The following CDH13 variants were observed in gnomAD, a reference collection of about 807,000 sequenced individuals.
The protein encoded by CDH13 is cadherin 13, also known as cadherin-13.
CDH13 carries 24 observed loss-of-function variants against 63.8 expected under a neutral mutation model. That is an observed-to-expected ratio of 0.38 (90% CI 0.27 to 0.53). The LOEUF is 0.53. Among genes scored for constraint, CDH13 ranks in the 20% least tolerant of loss-of-function variants. CDH13 has a pLI of 0.85. For missense variants in CDH13, 1,049 were observed against 903.1 expected (o/e 1.16, Z -2.07); for synonymous variants, 503 against 355.3 (o/e 1.42, Z -4.67).
intron 11 of CDH13, among the ~76,000 whole-genome samples, chr16:83,772,421 G>A (rs895524637): frequency 6.6e-6 from 1 of 152,288 alleles, no homozygotes; most frequent in South Asian, 2.1e-4. Context: ...GGACATCCCA[G>A]AAACACGATA....
intron 2 of CDH13, among the ~76,000 whole-genome samples, chr16:83,009,213 T>C (rs1174768217): frequency 6.6e-6 from 1 of 152,234 alleles, no homozygotes; most frequent in Non-Finnish European, 1.5e-5. Flanking sequence ...TAATTGGGTC[T>C]TTTGATATTA....
intron 5 of CDH13, among the ~76,000 whole-genome samples, chr16:83,278,933 C>A (rs1017453948): frequency 2.6e-5 from 4 of 152,154 alleles, no homozygotes; most frequent in African/African-American, 9.7e-5. Context: ...AGCCAGCATG[C>A]TAAGCCTGGA....
intron 1 of CDH13, among the ~76,000 whole-genome samples, chr16:82,819,649 A>G (rs1306969370): frequency 6.6e-6 from 1 of 152,210 alleles, no homozygotes; most frequent in Non-Finnish European, 1.5e-5. Flanking sequence ...CCAAGAGGAG[A>G]TGCCACTGGG....
intron 5 of CDH13, among the ~76,000 whole-genome samples, chr16:83,245,897 C>A (rs1904943710): frequency 6.6e-6 from 1 of 152,210 alleles, no homozygotes; most frequent in East Asian, 1.9e-4. Context: ...CACGCACCAC[C>A]ATACCCAGCT....
At chr16:83,707,686 G>T (rs912585302) in intron 10 of CDH13, among the ~76,000 whole-genome samples, 1 of 151,742 alleles carries the variant, frequency 6.6e-6, no homozygotes, top group East Asian at 1.9e-4. Flanking sequence ...CTGACATGCC[G>T]CACTGTGCTA....
chr16:83,658,958 C>T (rs1307788242), intron 8 of CDH13, among the ~76,000 whole-genome samples: 20 of 138,062 alleles, frequency 1.4e-4, no homozygotes, highest in East Asian at 7.1e-4. Context: ...CACCAGGTCC[C>T]GTATCCTCAC....
intron 3 of CDH13, among the ~76,000 whole-genome samples, chr16:83,089,258 T>A (rs1000673937): frequency 5.3e-5 from 8 of 152,222 alleles, no homozygotes; most frequent in African/African-American, 1.7e-4. Flanking sequence ...CATCTCTATT[T>A]GATCATTAGC....
intron 7 of CDH13, among the ~76,000 whole-genome samples, chr16:83,492,093 T>C (rs1445578032): frequency 6.6e-6 from 1 of 152,176 alleles, no homozygotes; most frequent in East Asian, 1.9e-4. Context: ...AACTATGTAT[T>C]TGGTCAAAAT....
At chr16:83,274,726 A>G (rs72802300) in intron 5 of CDH13, among the ~76,000 whole-genome samples, 23,299 of 152,022 alleles carry the variant, frequency 0.15, 2,388 homozygotes, top group Non-Finnish European at 0.22. Context: ...ACCTGGTGGC[A>G]GGGGGGGTGT....
At chr16:83,295,295 A>G (rs1310004830) in intron 5 of CDH13, among the ~76,000 whole-genome samples, 1 of 152,216 alleles carries the variant, frequency 6.6e-6, no homozygotes, top group African/African-American at 2.4e-5. Flanking sequence ...AACATAGGGA[A>G]AAGTTCCATG....
At chr16:83,166,849 C>T (rs564244090) in intron 4 of CDH13, among the ~76,000 whole-genome samples, 1 of 152,146 alleles carries the variant, frequency 6.6e-6, no homozygotes, top group Non-Finnish European at 1.5e-5. Flanking sequence ...AAGTGTATTA[C>T]CGCCATTCAC....
chr16:83,739,075 C>T (rs916977388), intron 10 of CDH13, among the ~76,000 whole-genome samples: 4 of 152,164 alleles, frequency 2.6e-5, no homozygotes, highest in Non-Finnish European at 5.9e-5. Flanking sequence ...ACAAGGTTGG[C>T]CTCAGCTGGT....
chr16:83,199,810 A>G (rs2038973420), intron 4 of CDH13, among the ~76,000 whole-genome samples: 1 of 152,124 alleles, frequency 6.6e-6, no homozygotes, highest in African/African-American at 2.4e-5. Flanking sequence ...ATTATTCCCA[A>G]TCAACAGAAG....
intron 6 of CDH13, among the ~76,000 whole-genome samples, chr16:83,407,874 A>G (rs549690807): frequency 4.0e-4 from 61 of 152,180 alleles, no homozygotes; most frequent in Non-Finnish European, 7.8e-4. Context: ...CAAATGTATA[A>G]CTGAGTATGC....
At chr16:83,292,456 C>A (rs980300926) in intron 5 of CDH13, among the ~76,000 whole-genome samples, 1 of 152,130 alleles carries the variant, frequency 6.6e-6, no homozygotes, top group South Asian at 2.1e-4. Flanking sequence ...ATTACTCCCC[C>A]TTTGATTGCT....
At chr16:83,287,772 C>G (rs918454062) in intron 5 of CDH13, among the ~76,000 whole-genome samples, 2 of 152,186 alleles carry the variant, frequency 1.3e-5, no homozygotes, top group Admixed American at 1.3e-4. Flanking sequence ...TCACCTCCTC[C>G]TGGTCCATGA....
Position 82,652,675 on chromosome 16 carries a change from C to G in CDH13, c.45+25538C>G, listed in dbSNP as rs562074115. ...GCTGCTGCTGAGGTTGGCTGTCAAA[C>G]CAACTTAACTGGCCTGCATTACCTA... is the stretch of plus-strand genomic sequence containing the variant. On this transcript the variant is annotated intron_variant, in intron 1 of 13. Transcript: ENST00000567109. Among the ~76,000 whole-genome samples the G allele has an allele frequency of 1.6e-4, 24 of 151,360 alleles. No individual in the cohort carries two copies. In the South Asian group the frequency reaches 4.8e-3, roughly 30 times the overall value.
intron 2 of CDH13, among the ~76,000 whole-genome samples, chr16:82,966,888 A>G (rs1336717247): frequency 1.3e-5 from 2 of 152,180 alleles, no homozygotes; most frequent in African/African-American, 4.8e-5. Context: ...AATTAACGCT[A>G]TTAAAAATTA....
intron 6 of CDH13, among the ~76,000 whole-genome samples, chr16:83,456,017 C>G (rs2073016271): frequency 6.6e-6 from 1 of 152,226 alleles, no homozygotes; most frequent in South Asian, 2.1e-4. Flanking sequence ...ACCCTGCTGT[C>G]TGTCTTCAGC....
Sources: gnomAD v4.1 joint callset for allele counts (sites outside exome capture counted in the v4.1 genomes callset) on GRCh38, gnomAD v4.1.1 for gene constraint, MANE v1.5 for transcripts, NCBI Gene and HGNC (gene_info 2026-07-23, HGNC 2026-07-21) for gene names.